NRL: variants seen among roughly 807,000 people sequenced by gnomAD.
The protein encoded by NRL is neural retina leucine zipper.
In NRL, 16 loss-of-function variants were observed where a neutral mutation model predicts 12.5. The ratio of observed to expected loss-of-function variants is 1.28; its 90% CI spans 0.87 to 1.95. The LOEUF (loss-of-function observed/expected upper bound fraction) is 1.95, where lower values mean the gene tolerates loss of function less well. Ranked by LOEUF, NRL falls within the 30% of genes most tolerant of loss-of-function variation. The probability of loss-of-function intolerance (pLI) is 0.00; values close to 1 mark genes in which losing one functional copy is unlikely to be tolerated. For synonymous variants in NRL, 142 were observed against 150.9 expected (o/e 0.94, Z 0.43); for missense variants, 314 against 325.8 (o/e 0.96, Z 0.28).
intron 1 of NRL, chr14:24,084,485 G>A (rs943279376): frequency 1.2e-5 from 11 of 942,416 alleles, no homozygotes; most frequent in Admixed American, 1.2e-4. Flanking sequence ...CTAGGTGAGC[G>A]GCCTGACACC....
At chr14:24,096,025 T>C (rs1333777627) in intron 1 of NRL, among the ~76,000 whole-genome samples, 2 of 152,186 alleles carry the variant, frequency 1.3e-5, no homozygotes, top group Non-Finnish European at 2.9e-5. Flanking sequence ...CTGGAAAGAC[T>C]GTGACCTTTG....
chr14:24,096,829 C>T (rs2036905984), intron 1 of NRL: 3 of 1,485,300 alleles, frequency 2.0e-6, no homozygotes, highest in Middle Eastern at 1.7e-4. Context: ...TCTGTCTCTC[C>T]ACCACCTGCC....
chr14:24,093,271 T>C (rs987484358), intron 1 of NRL: 3 of 152,292 alleles, frequency 2.0e-5, no homozygotes, highest in African/African-American at 7.2e-5. Flanking sequence ...TGATATCCAG[T>C]GGTCTCAGGT....
chr14:24,083,866 A>C (rs1467983361), intron 1 of NRL, among the ~76,000 whole-genome samples: 1 of 152,338 alleles, frequency 6.6e-6, no homozygotes, highest in East Asian at 1.9e-4. Context: ...AAAGTGTCCT[A>C]AACTTATGTC....
chr14:24,100,496 A>C (rs1266938957), intron 1 of NRL: 5 of 792,444 alleles, frequency 6.3e-6, no homozygotes, highest in Middle Eastern at 3.9e-4. Context: ...AGATTGTTGG[A>C]GGATTAAATA....
intron 1 of NRL, chr14:24,099,083 GAAA>G: frequency 6.2e-7 from 1 of 1,610,152 alleles, no homozygotes; most frequent in Non-Finnish European, 8.5e-7. Context: ...GCAACCCAGA[GAAA>G]ACCCTGATTG....
At chr14:24,113,431 CAATA>C (rs2037458270) in intron 1 of NRL, among the ~76,000 whole-genome samples, 1 of 151,802 alleles carries the variant, frequency 6.6e-6, no homozygotes, top group Non-Finnish European at 1.5e-5. Context: ...TAAAATCAAT[CAATA>C]AATAAAGATC....
Position 24,081,729 on chromosome 14 carries a change from C to T in NRL, c.382-161G>A, listed in dbSNP as rs1307366580. ...ACGCAGTCTGTTTCGGTCCAGAGCCCGCCCCAGGCCCCGACGCTCCCCGGG... is the reference window on the plus strand; with the variant it reads ...ACGCAGTCTGTTTCGGTCCAGAGCCTGCCCCAGGCCCCGACGCTCCCCGGG... On this transcript the variant is annotated intron_variant, in intron 2 of 2. Transcript: ENST00000561028. This position sits in a 1 kb window ranked among gnomAD's most constrained non-coding sequence, Gnocchi z 4.4. 4 of 1,520,908 alleles carry T rather than the reference C, an allele frequency of 2.6e-6. No homozygotes were observed. Among genetic ancestry groups the T allele is most frequent in the Non-Finnish European group, 2.6e-6 (3 of 1,140,480 alleles). 94.2% of individuals were successfully genotyped at this position (1,520,908 alleles called of 1,614,324 possible).
At chr14:24,083,368 CACTCAG>C (rs1241102383) in intron 1 of NRL, among the ~76,000 whole-genome samples, 2 of 152,166 alleles carry the variant, frequency 1.3e-5, no homozygotes, top group Non-Finnish European at 2.9e-5. Context: ...TCTCTCAAAG[CACTCAG>C]GGAAGTGCCT....
intron 1 of NRL, chr14:24,114,089 G>C (rs1444429661): frequency 6.6e-6 from 1 of 152,346 alleles, no homozygotes; most frequent in Non-Finnish European, 1.5e-5. Context: ...ACCCGCGGCC[G>C]GGGGCGGAGA....
chr14:24,094,068 G>A lies in NRL; in HGVS notation c.-27-11193C>T, dbSNP rs762274853. 6.9e-5 allele frequency: 37 copies of A among 537,296 alleles called. 1 individual carries two copies. The Middle Eastern group carries it at 3.2e-3, about 47-fold the overall frequency. The allele number at this position is 537,296 out of a possible 1,614,324, so 33.3% of individuals were successfully genotyped here. A position where few individuals can be genotyped will look rare whatever the true frequency, so the allele number is the denominator to read the frequency against. On this transcript the variant is annotated intron_variant, in intron 1 of 2. Coordinates refer to ENST00000561028, the MANE Select transcript of NRL (RefSeq NM_001354768.3). This position sits in a 1 kb window ranked among gnomAD's most constrained non-coding sequence, Gnocchi z 4.1. ...ATGTGCGGCTGGGAGGGCGGTGGCGGATGGGGGGCGGGGCCTCGAAGTCGG... is the reference window on the plus strand; with the variant it reads ...ATGTGCGGCTGGGAGGGCGGTGGCGAATGGGGGGCGGGGCCTCGAAGTCGG...
At chr14:24,087,344 C>T (rs1262577931) in intron 1 of NRL, among the ~76,000 whole-genome samples, 1 of 152,080 alleles carries the variant, frequency 6.6e-6, no homozygotes, top group Non-Finnish European at 1.5e-5. Context: ...GACACATAGG[C>T]CACAGAGGAA....
chr14:24,100,430 A>G, intron 1 of NRL: 1 of 1,073,858 alleles, frequency 9.3e-7, no homozygotes, highest in Non-Finnish European at 1.3e-6. Flanking sequence ...AACTTCCCTA[A>G]GCTTTAGTTT....
At chr14:24,108,067 T>G (rs1013353465) in intron 1 of NRL, among the ~76,000 whole-genome samples, 6 of 152,228 alleles carry the variant, frequency 3.9e-5, no homozygotes, top group African/African-American at 1.4e-4. Flanking sequence ...AGCTGAGTCC[T>G]TTTGACATGA....
chr14:24,102,651 CAA>C (rs367813502), intron 1 of NRL: 24,668 of 830,480 alleles, frequency 0.03, no homozygotes, highest in South Asian at 0.052. Context: ...GCTGATGAGG[CAA>C]AAAAAAAAAA....
intron 1 of NRL, among the ~76,000 whole-genome samples, chr14:24,108,248 G>A (rs544194110): frequency 6.6e-6 from 1 of 152,304 alleles, no homozygotes; most frequent in East Asian, 1.9e-4. Context: ...CATTGATACT[G>A]GATTGGTCAT....
At chr14:24,087,390 TG>T (rs2036492603) in intron 1 of NRL, among the ~76,000 whole-genome samples, 1 of 151,780 alleles carries the variant, frequency 6.6e-6, no homozygotes, top group Non-Finnish European at 1.5e-5. Flanking sequence ...TAGCAAGATA[TG>T]GATGGAGTGA....
At chr14:24,090,066 G>C (rs751543015) in intron 1 of NRL, among the ~76,000 whole-genome samples, 1 of 152,080 alleles carries the variant, frequency 6.6e-6, no homozygotes, top group Non-Finnish European at 1.5e-5. Flanking sequence ...AGCTACTGAA[G>C]GGTTTTCAGT....
rs959472642 is a variant in NRL at position 24,082,998 on chromosome 14, G to T, written c.-27-123C>A. ...AGAGTTTGGGAAAGCCAGAGGGATG[G>T]TGCAGCTCTGTTCACTGCAGAGTCC... On this transcript the variant is annotated intron_variant, in intron 1 of 2. Coordinates refer to ENST00000561028, the MANE Select transcript of NRL (RefSeq NM_001354768.3). 8 of 901,276 alleles carry T rather than the reference G, an allele frequency of 8.9e-6. No individual in the cohort carries two copies. The Admixed American group carries it at 1.4e-4, about 16-fold the overall frequency. The allele number at this position is 901,276 out of a possible 1,614,324, so 55.8% of individuals were successfully genotyped here.
Sources: gnomAD v4.1 joint callset for allele counts (sites outside exome capture counted in the v4.1 genomes callset) on GRCh38, gnomAD v4.1.1 for gene constraint, Gnocchi (gnomAD v3.1) non-coding constraint, MANE v1.5 for transcripts, NCBI Gene and HGNC (gene_info 2026-07-23, HGNC 2026-07-21) for gene names.